CDKAL1: variants seen among roughly 807,000 people sequenced by gnomAD.
CDKAL1 encodes threonylcarbamoyladenosine tRNA methylthiotransferase.
CDKAL1 carries 32 observed loss-of-function variants against 68.2 expected under a neutral mutation model. The ratio of observed to expected loss-of-function variants is 0.47; its 90% CI spans 0.35 to 0.63. The LOEUF (loss-of-function observed/expected upper bound fraction) is 0.63. Among genes scored for constraint, CDKAL1 ranks in the 30% least tolerant of loss-of-function variants. The pLI, the probability that CDKAL1 is intolerant of heterozygous loss-of-function variation, is 0.00. For synonymous variants in CDKAL1, 234 were observed against 244.3 expected (o/e 0.96, Z 0.39); for missense variants, 606 against 696.7 (o/e 0.87, Z 1.47).
intron 8 of CDKAL1, among the ~76,000 whole-genome samples, chr6:20,784,040 C>T (rs1460712805): frequency 6.6e-6 from 1 of 151,986 alleles, no homozygotes. Flanking sequence ...AGGTGAAACC[C>T]CGACTCTACT....
intron 13 of CDKAL1, among the ~76,000 whole-genome samples, chr6:21,140,374 T>C (rs566998767): frequency 3.9e-5 from 6 of 152,366 alleles, no homozygotes; most frequent in African/African-American, 1.2e-4. Context: ...ATGTAAACAC[T>C]AGAGGAGCCA....
At chr6:20,599,921 T>C (rs1385439129) in intron 4 of CDKAL1, among the ~76,000 whole-genome samples, 1 of 152,164 alleles carries the variant, frequency 6.6e-6, no homozygotes, top group East Asian at 1.9e-4. Flanking sequence ...TGTAGTATCA[T>C]GTCAGAATGT....
intron 4 of CDKAL1, among the ~76,000 whole-genome samples, chr6:20,551,793 C>G (rs1310491920): frequency 1.3e-5 from 2 of 152,100 alleles, no homozygotes; most frequent in Admixed American, 6.5e-5. Context: ...AATTACTTCT[C>G]TATATTCATT....
At chr6:20,938,422 C>T (rs527407868) in intron 9 of CDKAL1, among the ~76,000 whole-genome samples, 3 of 152,170 alleles carry the variant, frequency 2.0e-5, no homozygotes, top group South Asian at 2.1e-4. Flanking sequence ...TCATTGCTTC[C>T]GGGGTATCAT....
chr6:21,176,205 G>C (rs1777565274), intron 13 of CDKAL1, among the ~76,000 whole-genome samples: 1 of 152,230 alleles, frequency 6.6e-6, no homozygotes, highest in Non-Finnish European at 1.5e-5. Context: ...ATTCATTTAA[G>C]ACTATGTGAT....
chr6:20,988,115 TG>T (rs1766575802), intron 10 of CDKAL1, among the ~76,000 whole-genome samples: 1 of 151,858 alleles, frequency 6.6e-6, no homozygotes, highest in Non-Finnish European at 1.5e-5. Context: ...CTCTAAACTT[TG>T]GTGTTTTTAT....
At chr6:21,164,737 C>T (rs892973547) in intron 13 of CDKAL1, among the ~76,000 whole-genome samples, 55 of 152,250 alleles carry the variant, frequency 3.6e-4, no homozygotes, top group Middle Eastern at 3.4e-3. Flanking sequence ...AGGCTTCCCG[C>T]CTTTATAAAC....
At chr6:20,780,660 A>G (rs1171933210) in intron 7 of CDKAL1, among the ~76,000 whole-genome samples, 2 of 99,326 alleles carry the variant, frequency 2.0e-5, no homozygotes, top group South Asian at 6.0e-4. Flanking sequence ...GTTTTTTTTC[A>G]TTTCTTTTTC....
intron 4 of CDKAL1, among the ~76,000 whole-genome samples, chr6:20,624,747 T>G (rs538935403): frequency 6.6e-6 from 1 of 152,242 alleles, no homozygotes; most frequent in South Asian, 2.1e-4. Flanking sequence ...CTACTCAATT[T>G]TTTACATAAG....
At chr6:20,877,833 C>T (rs566174849) in intron 9 of CDKAL1, among the ~76,000 whole-genome samples, 17 of 152,274 alleles carry the variant, frequency 1.1e-4, no homozygotes, top group African/African-American at 3.6e-4. Flanking sequence ...TGGTTATAAT[C>T]CTAGCCCCTT....
intron 5 of CDKAL1, among the ~76,000 whole-genome samples, chr6:20,673,736 T>C (rs1364026236): frequency 6.6e-6 from 1 of 152,180 alleles, no homozygotes; most frequent in African/African-American, 2.4e-5. Flanking sequence ...GGAGTTGCCC[T>C]GAACAAGCTC....
At chr6:21,172,842 G>C (rs12194541) in intron 13 of CDKAL1, among the ~76,000 whole-genome samples, 79 of 152,196 alleles carry the variant, frequency 5.2e-4, no homozygotes, top group African/African-American at 1.9e-3. Flanking sequence ...TTGCTTGTGT[G>C]TACATTGGTT....
chr6:20,792,273 T>A (rs1426633873), intron 8 of CDKAL1, among the ~76,000 whole-genome samples: 2 of 152,352 alleles, frequency 1.3e-5, no homozygotes, highest in East Asian at 1.9e-4. Context: ...AAACAGTCTC[T>A]GAGGAGTGTC....
At chr6:21,010,303 C>A (rs993772849) in intron 11 of CDKAL1, among the ~76,000 whole-genome samples, 3 of 152,142 alleles carry the variant, frequency 2.0e-5, no homozygotes, top group Non-Finnish European at 4.4e-5. Flanking sequence ...ATGCTAATGC[C>A]AGTGGTTGTT....
intron 13 of CDKAL1, among the ~76,000 whole-genome samples, chr6:21,158,799 T>G (rs6916577): frequency 0.34 from 51,470 of 152,112 alleles, 9,062 homozygotes; most frequent in African/African-American, 0.43. Context: ...GTTTATCTTT[T>G]AAAACTCTGA....
At chr6:21,230,464 T>C (rs1779920223) in intron 15 of CDKAL1, among the ~76,000 whole-genome samples, 1 of 152,230 alleles carries the variant, frequency 6.6e-6, no homozygotes, top group Non-Finnish European at 1.5e-5. Context: ...ACCTGGCCCA[T>C]GGTGTTTCTT....
chr6:20,790,011 G>A (rs1247682796), intron 8 of CDKAL1, among the ~76,000 whole-genome samples: 1 of 152,060 alleles, frequency 6.6e-6, no homozygotes, highest in Non-Finnish European at 1.5e-5. Flanking sequence ...GCCCAGGTTG[G>A]TCCTGAACTC....
At chr6:20,871,166 A>G (rs1462425484) in intron 9 of CDKAL1, among the ~76,000 whole-genome samples, 1 of 152,182 alleles carries the variant, frequency 6.6e-6, no homozygotes, top group Non-Finnish European at 1.5e-5. Context: ...AATGTGTAAA[A>G]TAAAATTCAT....
At chr6:21,033,893 G>A (rs529120759) in intron 11 of CDKAL1, among the ~76,000 whole-genome samples, 1 of 152,270 alleles carries the variant, frequency 6.6e-6, no homozygotes, top group African/African-American at 2.4e-5. Flanking sequence ...GGATTTGCCA[G>A]TGATGAAATC....
Sources: gnomAD v4.1 joint callset for allele counts (sites outside exome capture counted in the v4.1 genomes callset) on GRCh38, gnomAD v4.1.1 for gene constraint, MANE v1.5 for transcripts, NCBI Gene and HGNC (gene_info 2026-07-23, HGNC 2026-07-21) for gene names.